GBE1: variants seen among roughly 807,000 people sequenced by gnomAD.
GBE1 encodes 1,4-alpha-glucan branching enzyme 1.
Under a neutral mutation model 88.8 loss-of-function variants are expected in GBE1, and 70 were observed. The observed-to-expected ratio is 0.79, with a 90% CI of 0.65 to 0.96. The LOEUF is 0.96. Ranked by LOEUF, GBE1 falls within the 40% of genes least tolerant of loss-of-function variation. The pLI is 0.00. For missense variants in GBE1, 872 were observed against 871.0 expected (o/e 1.00, Z -0.01); for synonymous variants, 284 against 300.1 (o/e 0.95, Z 0.56).
At chr3:81,625,433 T>G (rs1704399464) in intron 7 of GBE1, among the ~76,000 whole-genome samples, 1 of 151,874 alleles carries the variant, frequency 6.6e-6, no homozygotes, top group African/African-American at 2.4e-5. Flanking sequence ...CAATAAAAAA[T>G]AAAATCCTGG....
At chr3:81,732,693 A>G (rs1706206421) in intron 1 of GBE1, among the ~76,000 whole-genome samples, 1 of 152,172 alleles carries the variant, frequency 6.6e-6, no homozygotes, top group Non-Finnish European at 1.5e-5. Flanking sequence ...ATCACATAAT[A>G]GCCATAACTA....
chr3:81,584,751 A>C (rs1280744584), intron 10 of GBE1, among the ~76,000 whole-genome samples: 1 of 151,726 alleles, frequency 6.6e-6, no homozygotes, highest in East Asian at 1.9e-4. Flanking sequence ...AATGTTTATT[A>C]GGTTAAATTT....
intron 1 of GBE1, among the ~76,000 whole-genome samples, chr3:81,741,071 T>C (rs1271814754): frequency 2.0e-5 from 3 of 152,190 alleles, no homozygotes; most frequent in Non-Finnish European, 4.4e-5. Context: ...TGGGTTATAA[T>C]TGAGCCTTAA....
intron 14 of GBE1, among the ~76,000 whole-genome samples, chr3:81,519,666 T>G (rs868384341): frequency 6.6e-6 from 1 of 151,134 alleles, no homozygotes; most frequent in East Asian, 2.0e-4. Context: ...AATAGAACCA[T>G]GACACATTCA....
At chr3:81,634,480 G>A (rs1704563626) in intron 7 of GBE1, among the ~76,000 whole-genome samples, 1 of 152,016 alleles carries the variant, frequency 6.6e-6, no homozygotes, top group African/African-American at 2.4e-5. Flanking sequence ...TAGCATTTTG[G>A]GGGGAAACAT....
At chr3:81,530,609 T>A (rs1341648268) in intron 14 of GBE1, among the ~76,000 whole-genome samples, 1 of 152,008 alleles carries the variant, frequency 6.6e-6, no homozygotes, top group African/African-American at 2.4e-5. Flanking sequence ...AGATCTGAGA[T>A]AATTCACTGG....
intron 12 of GBE1, among the ~76,000 whole-genome samples, chr3:81,563,771 AC>A (rs1291964827): frequency 6.6e-6 from 1 of 152,032 alleles, no homozygotes; most frequent in Non-Finnish European, 1.5e-5. Context: ...GTTAAAGTAA[AC>A]CATACCTCCA....
chr3:81,493,662 A>T (rs2106801735), intron 15 of GBE1, among the ~76,000 whole-genome samples: 1 of 151,714 alleles, frequency 6.6e-6, no homozygotes, highest in East Asian at 1.9e-4. Flanking sequence ...CCTCCTGAGT[A>T]GCTGGGATTA....
At position 81,614,508 on chromosome 3, in the gene GBE1, G is replaced by A. The variant is rs113019323; in HGVS notation, c.993-20485C>T. Among the ~76,000 whole-genome samples the A allele has an allele frequency of 3.3e-4, 50 of 152,284 alleles. 1 individual carries two copies. Among genetic ancestry groups the A allele is most frequent in the African/African-American group, 1.1e-3 (45 of 41,572 alleles). ...TCCCAACTCTGTGGGAGGCCAAGGC[G>A]GGGGCTGGGGTGGGGAGTATTGCTT... On this transcript the variant is annotated intron_variant, in intron 7 of 15. Coordinates refer to ENST00000429644, the MANE Select transcript of GBE1 (RefSeq NM_000158.4).
At chr3:81,744,328 GGT>G (rs545319254) in intron 1 of GBE1, among the ~76,000 whole-genome samples, 3 of 152,054 alleles carry the variant, frequency 2.0e-5, no homozygotes, top group Non-Finnish European at 4.4e-5. Context: ...GAATACATTA[GGT>G]TGAATAGTGT....
At chr3:81,502,625 CAT>C (rs1702603646) in intron 14 of GBE1, among the ~76,000 whole-genome samples, 2 of 152,190 alleles carry the variant, frequency 1.3e-5, no homozygotes, top group African/African-American at 4.8e-5. Flanking sequence ...CAGGAAACTA[CAT>C]GTTTTAGGAA....
intron 1 of GBE1, among the ~76,000 whole-genome samples, chr3:81,758,033 T>C (rs1265889522): frequency 1.3e-5 from 2 of 152,168 alleles, no homozygotes; most frequent in African/African-American, 4.8e-5. Context: ...TGTACAATGC[T>C]AGAGATAAAG....
intron 12 of GBE1, among the ~76,000 whole-genome samples, chr3:81,554,944 T>C (rs1703327347): frequency 6.6e-6 from 1 of 152,164 alleles, no homozygotes; most frequent in South Asian, 2.1e-4. Context: ...CTTCTATTGC[T>C]CCAGGTTCCT....
intron 1 of GBE1, among the ~76,000 whole-genome samples, chr3:81,749,740 C>G (rs952539878): frequency 2.0e-5 from 3 of 152,126 alleles, no homozygotes; most frequent in Admixed American, 6.6e-5. Context: ...GGTAGAGGAG[C>G]CTTCTCTAAA....
intron 9 of GBE1, among the ~76,000 whole-genome samples, chr3:81,587,560 A>T (rs1343282026): frequency 1.3e-5 from 2 of 152,206 alleles, no homozygotes; most frequent in East Asian, 3.9e-4. Context: ...ATTCGATTCA[A>T]CAATTACACA....
At chr3:81,693,148 T>C (rs552389046) in intron 2 of GBE1, among the ~76,000 whole-genome samples, 140 of 152,340 alleles carry the variant, frequency 9.2e-4, no homozygotes, top group African/African-American at 3.1e-3. Flanking sequence ...ATGTATCATT[T>C]AAATCAATTA....
chr3:81,576,822 T>A (rs998291786), intron 12 of GBE1, among the ~76,000 whole-genome samples: 1 of 151,908 alleles, frequency 6.6e-6, no homozygotes, highest in Non-Finnish European at 1.5e-5. Context: ...ATACGTGAAA[T>A]CTGTGTATGC....
intron 1 of GBE1, among the ~76,000 whole-genome samples, chr3:81,724,949 G>A (rs2107195597): frequency 6.6e-6 from 1 of 152,240 alleles, no homozygotes; most frequent in African/African-American, 2.4e-5. Flanking sequence ...TCGAAATCAA[G>A]ATTTCTGAGA....
At chr3:81,579,811 C>A (rs1305573428) in intron 11 of GBE1, among the ~76,000 whole-genome samples, 1 of 152,078 alleles carries the variant, frequency 6.6e-6, no homozygotes, top group Non-Finnish European at 1.5e-5. Flanking sequence ...TTGGAAGATG[C>A]AAAATTTAAC....
Sources: gnomAD v4.1 joint callset for allele counts (sites outside exome capture counted in the v4.1 genomes callset) on GRCh38, gnomAD v4.1.1 for gene constraint, MANE v1.5 for transcripts, NCBI Gene and HGNC (gene_info 2026-07-23, HGNC 2026-07-21) for gene names.